The following CHD1 variants were observed in gnomAD, a reference collection of about 807,000 sequenced individuals.
CHD1 encodes the protein chromodomain helicase DNA binding protein 1.
A neutral mutation model predicts 224.2 loss-of-function variants in CHD1; 36 were observed. The observed-to-expected ratio is 0.16, with a 90% CI of 0.12 to 0.21. The LOEUF (loss-of-function observed/expected upper bound fraction) is 0.21. Ranked by LOEUF, CHD1 falls within the 10% of genes least tolerant of loss-of-function variation. The pLI, the probability that CHD1 is intolerant of heterozygous loss-of-function variation, is 1.00. For missense variants in CHD1, 1,378 were observed against 1,994.8 expected, an observed-to-expected ratio of 0.69 and a Z score of 5.89; for synonymous variants, 668 against 658.3, an observed-to-expected ratio of 1.01 and a Z score of -0.23.
Position 98,872,134 on chromosome 5 carries a change from T to A in CHD1, c.3778A>T (p.Asn1260Tyr). The A allele has an allele frequency of 6.2e-7, 1 of 1,613,656 alleles. No individual in the cohort carries two copies. Among genetic ancestry groups the A allele is most frequent in the Non-Finnish European group, 8.5e-7 (1 of 1,179,654 alleles). The change falls in exon 28 of 36, where the codon AAT becomes TAT. Residue 1260 changes from asparagine (N) to tyrosine (Y), a missense_variant. Physicochemically the swap from Asn to Tyr is moderately radical, Grantham distance 143 (BLOSUM62 -2). This residue lies in a region of CHD1 where 286 missense variants were observed against 445.1 expected (regional missense o/e 0.64). Coordinates refer to ENST00000614616, the MANE Select transcript of CHD1 (RefSeq NM_001270.4). ...DIDWGKEDDSNLLIGIYEYGY... is the reference protein window; with the variant it reads ...DIDWGKEDDSYLLIGIYEYGY... The stretch of plus-strand genomic sequence containing the variant: ...TATTCATAGATGCCAATTAACAAAT[T>A]GGAATCATCTTCTTTGCCCCAGTCT...
chr5:98,925,138 T>C (rs778445476), intron 2 of CHD1, among the ~76,000 whole-genome samples: 1 of 152,210 alleles, frequency 6.6e-6, no homozygotes, highest in Non-Finnish European at 1.5e-5. Flanking sequence ...ATGTTTTTTT[T>C]ATATAGTATC....
Position 98,874,582 on chromosome 5 carries a change from T to C in CHD1, c.3440+490A>G. Among the ~76,000 whole-genome samples the C allele has an allele frequency of 2.0e-5, 3 of 147,234 alleles. 1 individual carries two copies. The highest frequency in any genetic ancestry group is 6.8e-5 in the Admixed American group (1 of 14,600). On this transcript the variant is annotated intron_variant, in intron 25 of 35. Transcript: ENST00000614616. ...AAAAAATTAGCTGGGTGTGGTGGCATGCGCCTGTAGTCCCAGCTGCTCGAG... is the reference window on the plus strand; with the variant it reads ...AAAAAATTAGCTGGGTGTGGTGGCACGCGCCTGTAGTCCCAGCTGCTCGAG...
intron 2 of CHD1, among the ~76,000 whole-genome samples, chr5:98,919,635 G>C (rs1382294838): frequency 6.6e-6 from 1 of 152,166 alleles, no homozygotes; most frequent in Non-Finnish European, 1.5e-5. Flanking sequence ...TCAATGTTGA[G>C]TAAGGAAGTT....
chr5:98,918,022 T>C (rs1320946578), intron 2 of CHD1, among the ~76,000 whole-genome samples: 1 of 152,056 alleles, frequency 6.6e-6, no homozygotes, highest in East Asian at 1.9e-4. Context: ...TGCTTCCTTT[T>C]TTTTCCTTCC....
intron 2 of CHD1, among the ~76,000 whole-genome samples, chr5:98,907,258 ATTTAT>A (rs1253634169): frequency 1.3e-5 from 2 of 152,204 alleles, no homozygotes; most frequent in Non-Finnish European, 2.9e-5. Context: ...TGAATAAAGT[ATTTAT>A]TTTATTGAGT....
rs1356247614 is a variant in CHD1 at position 98,898,296 on chromosome 5, C to A, written c.1325G>T (p.Ser442Ile). 7 of 1,580,466 alleles carry A rather than the reference C, an allele frequency of 4.4e-6. No homozygotes were observed. Among genetic ancestry groups the A allele is most frequent in the South Asian group, 1.2e-5 (1 of 83,430 alleles). ...AGGAGTGGTTTTTGATTGGTTCCTG[C>A]TAAAATACTCATCAATGCATGCTTG... ...KFQACIDEYF[S>I]RNQSKTTPFK... is the part of the protein sequence containing the mutation. Residue 442 changes from serine (S) to isoleucine (I), a missense_variant, in exon 10 of 36, where the codon AGC (serine) becomes ATC (isoleucine). This residue lies in a region of CHD1 where 86 missense variants were observed against 97.7 expected (regional missense o/e 0.88). Coordinates refer to ENST00000614616, the MANE Select transcript of CHD1 (RefSeq NM_001270.4).
At position 98,901,348 on chromosome 5, in the gene CHD1, T is replaced by C. The variant is rs373680595; in HGVS notation, c.438-13A>G. ...TTGCCAATCTTCACTGCAGACAAAATTTATAAAGTATTTTTATTTGTACTT... is the reference window on the plus strand; with the variant it reads ...TTGCCAATCTTCACTGCAGACAAAACTTATAAAGTATTTTTATTTGTACTT... On this transcript the variant is annotated splice_polypyrimidine_tract_variant and intron_variant, in intron 5 of 35. Coordinates refer to ENST00000614616, the MANE Select transcript of CHD1 (RefSeq NM_001270.4). 1.9e-6 allele frequency: 3 copies of C among 1,590,130 alleles called. No homozygotes were observed. The African/African-American group carries it at 4.1e-5, about 22-fold the overall frequency.
chr5:98,882,147 C>T (rs1419176571), intron 19 of CHD1, 24 bp from the exon 20 acceptor site: 11 of 1,600,848 alleles, frequency 6.9e-6, no homozygotes, highest in Non-Finnish European at 5.1e-6. Context: ...CATGAGGAAA[C>T]AAATTGCAGT....
chr5:98,876,613 G>T, intron 23 of CHD1, 55 bp from the exon 24 acceptor site: 1 of 1,436,382 alleles, frequency 7.0e-7, no homozygotes. Flanking sequence ...TGTATCTTAA[G>T]AGCAAAAACC....
chr5:98,928,363 C>G (rs1350674594), intron 1 of CHD1, among the ~76,000 whole-genome samples, 176 bp downstream of exon 1: 1 of 152,054 alleles, frequency 6.6e-6, no homozygotes, highest in South Asian at 2.1e-4. Context: ...CTGTACTCGC[C>G]GCTCACACGC....
At chr5:98,895,485 C>T (rs1580453754) in intron 12 of CHD1, among the ~76,000 whole-genome samples, 1 of 152,134 alleles carries the variant, frequency 6.6e-6, no homozygotes, top group Admixed American at 6.5e-5. Context: ...GGTATGGTGG[C>T]TCACGCCTGT....
chr5:98,869,619 C>CGT (rs750331288), intron 30 of CHD1, 135 bp downstream of exon 30: 19 of 805,534 alleles, frequency 2.4e-5, no homozygotes, highest in African/African-American at 5.5e-5. Flanking sequence ...CGCACGTGCG[C>CGT]GCGCACACAC....
At chr5:98,925,687 C>G (rs71636354) in intron 2 of CHD1, among the ~76,000 whole-genome samples, 1 of 151,982 alleles carries the variant, frequency 6.6e-6, no homozygotes, top group African/African-American at 2.4e-5. Flanking sequence ...AACTCCTTCA[C>G]AGATAATTAA....
chr5:98,858,311 C>G lies in CHD1; in HGVS notation c.4656G>C (p.Gln1552His), dbSNP rs755404931. 7.4e-6 allele frequency: 12 copies of G among 1,613,004 alleles called. No homozygotes were observed. In the African/African-American group the frequency reaches 1.5e-4, roughly 20 times the overall value. ...GTCGGTCTTTATGATGATCATGGTA[C>G]TGAGTTAAGTGTCTATCAGAGGAAT... ...DSYSSDRHLT[Q>H]YHDHHKDRHQ... is the part of the protein sequence containing the mutation. Residue 1552 changes from glutamine (Q) to histidine (H), a missense_variant, in exon 35 of 36, where the codon CAG becomes CAC. Physicochemically the swap from Gln to His is conservative, Grantham distance 24. Transcript: ENST00000614616.
intron 18 of CHD1, 128 bp downstream of exon 18, chr5:98,885,450 C>G: frequency 1.5e-6 from 1 of 651,548 alleles, no homozygotes; most frequent in South Asian, 1.9e-5. Context: ...ATTTGCTAAT[C>G]AAAGGTGGCT....
chr5:98,914,502 G>A (rs1001229044), intron 2 of CHD1, among the ~76,000 whole-genome samples: 1 of 150,276 alleles, frequency 6.7e-6, no homozygotes, highest in Admixed American at 6.7e-5. Flanking sequence ...TTTCTATTGG[G>A]AACAAAATGC....
intron 23 of CHD1, among the ~76,000 whole-genome samples, chr5:98,877,847 T>C (rs1040112328): frequency 8.5e-5 from 13 of 152,208 alleles, no homozygotes; most frequent in Admixed American, 1.3e-4. Context: ...CTGGCTGTTA[T>C]GTAGAAACTT....
At chr5:98,884,533 TAA>T (rs1750505113) in intron 18 of CHD1, among the ~76,000 whole-genome samples, 1 of 152,088 alleles carries the variant, frequency 6.6e-6, no homozygotes, top group Admixed American at 6.6e-5. Context: ...GGGTGAGCGA[TAA>T]AAGACTACAA....
chr5:98,883,044 G>T, intron 19 of CHD1, 44 bp downstream of exon 19: 24 of 1,071,938 alleles, frequency 2.2e-5, no homozygotes, highest in Non-Finnish European at 2.6e-5. Flanking sequence ...AAAAAAAAAA[G>T]AATTCTAAAA....
Sources: allele counts gnomAD v4.1 joint callset (sites outside exome capture counted in the v4.1 genomes callset), GRCh38; gene constraint gnomAD v4.1.1; regional missense constraint gnomAD v4.1.1; transcripts MANE v1.5; gene names NCBI Gene and HGNC (gene_info 2026-07-23, HGNC 2026-07-21).